Variants in LYPLAL1 observed in about 807,000 individuals in gnomAD.
LYPLAL1 encodes the protein lysophospholipase like 1, also known as lysophospholipase-like protein 1.
LYPLAL1 carries 23 observed loss-of-function variants against 19.7 expected under a neutral mutation model. The ratio of observed to expected loss-of-function variants is 1.17; its 90% CI spans 0.84 to 1.65. The LOEUF is 1.65. Among genes scored for constraint, LYPLAL1 ranks in the 40% most tolerant of loss-of-function variants. The pLI, the probability that LYPLAL1 is intolerant of heterozygous loss-of-function variation, is 0.00. For missense variants in LYPLAL1, 355 were observed against 279.4 expected, an observed-to-expected ratio of 1.27 and a Z score of -1.93; for synonymous variants, 119 against 96.3, an observed-to-expected ratio of 1.24 and a Z score of -1.38.
the LYPLAL1 span, among the ~76,000 whole-genome samples, chr1:219,362,511 T>A: frequency 6.6e-6 from 1 of 152,068 alleles, no homozygotes; most frequent in Admixed American, 6.6e-5. Context: ...CTTATGTTAG[T>A]AATAAAGGAA....
At chr1:219,315,050 T>A in the LYPLAL1 span, among the ~76,000 whole-genome samples, 1 of 151,980 alleles carries the variant, frequency 6.6e-6, no homozygotes. Context: ...TGAGGAGGGG[T>A]TGATTCTGTA....
the LYPLAL1 span, among the ~76,000 whole-genome samples, chr1:219,292,143 C>T: frequency 6.6e-6 from 1 of 152,184 alleles, no homozygotes; most frequent in African/African-American, 2.4e-5. Flanking sequence ...CCGACACCAC[C>T]TTGTGTTGCT....
At chr1:219,315,244 C>T in the LYPLAL1 span, among the ~76,000 whole-genome samples, 1 of 152,054 alleles carries the variant, frequency 6.6e-6, no homozygotes, top group South Asian at 2.1e-4. Context: ...AAAGCAAATA[C>T]AAGAAATTAA....
the LYPLAL1 span, among the ~76,000 whole-genome samples, chr1:219,429,234 C>T: frequency 2.0e-5 from 3 of 152,156 alleles, no homozygotes; most frequent in Non-Finnish European, 4.4e-5. Context: ...GTAGCCAGCT[C>T]GTAATTCGGA....
the LYPLAL1 span, among the ~76,000 whole-genome samples, chr1:219,226,650 C>G: frequency 7.9e-5 from 12 of 151,776 alleles, no homozygotes; most frequent in African/African-American, 2.7e-4. Context: ...TTGTTGCTGA[C>G]CAACAACTCT....
the LYPLAL1 span, among the ~76,000 whole-genome samples, chr1:219,265,017 G>A: frequency 1.7e-4 from 26 of 152,308 alleles, no homozygotes; most frequent in East Asian, 3.9e-3. Context: ...CAAGTAGCCA[G>A]TTGTCTTTGC....
chr1:219,206,769 A>T (rs554184892), intron 3 of LYPLAL1, among the ~76,000 whole-genome samples: 1 of 151,352 alleles, frequency 6.6e-6, no homozygotes, highest in Non-Finnish European at 1.5e-5. Flanking sequence ...CTGAAACTAC[A>T]TAAAGTGATT....
At position 219,210,603 on chromosome 1, in the gene LYPLAL1, T is replaced by TTTG. The variant is rs775690669; in HGVS notation, c.434_436dup (p.Phe145_Ala146insVal). The TTTG allele has an allele frequency of 6.2e-7, 1 of 1,610,458 alleles. No homozygotes were observed. The highest frequency in any genetic ancestry group is 2.2e-5 in the East Asian group (1 of 44,752). On this transcript the variant is annotated inframe_insertion, in exon 4 of 5. Transcript: ENST00000366928. ...AAATCATCAAGATGTGGCAGGAGTATTTGCTCTTTCTAGTTTTCTGAATAA... is the reference window on the plus strand; with the variant it reads ...AAATCATCAAGATGTGGCAGGAGTATTTGTTGCTCTTTCTAGTTTTCTGAATAA...
At chr1:219,370,433 C>G in the LYPLAL1 span, among the ~76,000 whole-genome samples, 1 of 152,186 alleles carries the variant, frequency 6.6e-6, no homozygotes, top group African/African-American at 2.4e-5. Context: ...CTCGATTCTG[C>G]ATTCCCAAAA....
chr1:219,313,042 T>G, the LYPLAL1 span, among the ~76,000 whole-genome samples: 1 of 152,262 alleles, frequency 6.6e-6, no homozygotes, highest in African/African-American at 2.4e-5. Flanking sequence ...ATTGTGACTA[T>G]GCCTTATCTT....
At chr1:219,389,379 G>A in the LYPLAL1 span, among the ~76,000 whole-genome samples, 3 of 152,160 alleles carry the variant, frequency 2.0e-5, no homozygotes, top group African/African-American at 7.2e-5. Context: ...TTAAACAAGG[G>A]TGGAGTTTGT....
At chr1:219,356,476 G>C in the LYPLAL1 span, among the ~76,000 whole-genome samples, 1 of 152,062 alleles carries the variant, frequency 6.6e-6, no homozygotes, top group African/African-American at 2.4e-5. Flanking sequence ...CTCCAGCCTG[G>C]GCAACAGAGT....
the LYPLAL1 span, among the ~76,000 whole-genome samples, chr1:219,342,131 G>A: frequency 6.6e-6 from 1 of 152,010 alleles, no homozygotes; most frequent in East Asian, 1.9e-4. Flanking sequence ...TTTGCATCTG[G>A]GTATCAATAA....
the LYPLAL1 span, among the ~76,000 whole-genome samples, chr1:219,261,870 G>T: frequency 6.6e-6 from 1 of 152,220 alleles, no homozygotes; most frequent in East Asian, 1.9e-4. Flanking sequence ...TTCTTTGAGC[G>T]CCTTGTATTT....
the LYPLAL1 span, among the ~76,000 whole-genome samples, chr1:219,377,776 A>AC: frequency 2.3e-3 from 351 of 152,306 alleles, 1 homozygote; most frequent in African/African-American, 7.6e-3. Flanking sequence ...CCCGACTCTT[A>AC]CATCTTGTTC....
the LYPLAL1 span, among the ~76,000 whole-genome samples, chr1:219,440,430 T>C: frequency 6.6e-6 from 1 of 152,068 alleles, no homozygotes; most frequent in African/African-American, 2.4e-5. Flanking sequence ...AAAATGAGCC[T>C]GGATCTTCAT....
At chr1:219,248,907 C>T in the LYPLAL1 span, among the ~76,000 whole-genome samples, 1 of 152,008 alleles carries the variant, frequency 6.6e-6, no homozygotes, top group Non-Finnish European at 1.5e-5. Flanking sequence ...ACTGATTTCT[C>T]CTTACACACA....
rs1659105841 is a variant in LYPLAL1 at position 219,212,328 on chromosome 1, A to C, written c.*600A>C. The C allele has an allele frequency of 6.6e-6, 1 of 152,050 alleles. No homozygotes were observed. Among genetic ancestry groups the C allele is most frequent in the Non-Finnish European group, 1.5e-5 (1 of 67,952 alleles). 9.4% of individuals were successfully genotyped at this position (152,050 alleles called of 1,614,324 possible). ...TGGAGCTCTATTTCTGTTAACCCAA[A>C]TTGCTGCTCTGTTTTAGGTCTCAAT... On this transcript the variant is annotated 3_prime_UTR_variant, in exon 5 of 5. Coordinates refer to ENST00000366928, the MANE Select transcript of LYPLAL1 (RefSeq NM_138794.5).
chr1:219,227,180 C>G, the LYPLAL1 span, among the ~76,000 whole-genome samples: 7 of 152,154 alleles, frequency 4.6e-5, no homozygotes, highest in Admixed American at 4.6e-4. Context: ...TTTTGGTAAG[C>G]AACGCAGACG....
Sources: gnomAD v4.1 joint callset for allele counts (sites outside exome capture counted in the v4.1 genomes callset) on GRCh38, gnomAD v4.1.1 for gene constraint, MANE v1.5 for transcripts, NCBI Gene and HGNC (gene_info 2026-07-23, HGNC 2026-07-21) for gene names.